Variants in NKAIN3 observed in about 807,000 individuals in gnomAD.
NKAIN3 encodes the protein sodium/potassium transporting ATPase interacting 3.
Under a neutral mutation model 30.2 loss-of-function variants are expected in NKAIN3, and 25 were observed. That is an observed-to-expected ratio of 0.83 (90% confidence interval 0.60 to 1.16). NKAIN3 has a LOEUF of 1.16. NKAIN3 is among the 50% of genes most tolerant of loss of function. The pLI is 0.00. For missense variants in NKAIN3, 225 were observed against 254.1 expected (o/e 0.89, Z 0.78); for synonymous variants, 91 against 89.6 (o/e 1.02, Z -0.09).
At chr8:62,433,477 A>C (rs1805078431) in intron 1 of NKAIN3, among the ~76,000 whole-genome samples, 1 of 152,202 alleles carries the variant, frequency 6.6e-6, no homozygotes, top group Non-Finnish European at 1.5e-5. Context: ...TTATTATGCC[A>C]GATATGGGAT....
chr8:62,456,345 C>T lies in NKAIN3; in HGVS notation c.55-123194C>T, dbSNP rs1188261423. ...GACCATCTGGCTAACATGGTGAAAC[C>T]CCATCTCTACTAAAAATACAAAAAT... On this transcript the variant is annotated intron_variant, in intron 1 of 6. Coordinates refer to ENST00000623646, the MANE Select transcript of NKAIN3 (RefSeq NM_001304533.3). Among the ~76,000 whole-genome samples, 3 of 152,010 alleles carry T rather than the reference C, an allele frequency of 2.0e-5. No individual in the cohort carries two copies. In the East Asian group the frequency reaches 5.8e-4, roughly 29 times the overall value.
intron 3 of NKAIN3, among the ~76,000 whole-genome samples, chr8:62,684,233 T>C (rs1813728536): frequency 6.6e-6 from 1 of 151,734 alleles, no homozygotes; most frequent in African/African-American, 2.4e-5. Flanking sequence ...AGTGTTTTCA[T>C]TCCCTACTCC....
At chr8:62,829,720 G>A (rs1442104479) in intron 4 of NKAIN3, among the ~76,000 whole-genome samples, 1 of 143,888 alleles carries the variant, frequency 6.9e-6, no homozygotes, top group East Asian at 2.0e-4. Context: ...TTATTTTGTT[G>A]TTTGTTAACT....
intron 1 of NKAIN3, among the ~76,000 whole-genome samples, chr8:62,429,410 T>C (rs1301435543): frequency 6.6e-6 from 1 of 151,968 alleles, no homozygotes; most frequent in Non-Finnish European, 1.5e-5. Context: ...TTATTACAGT[T>C]CTTATTTCTG....
chr8:62,351,198 A>C (rs991576090), intron 1 of NKAIN3, among the ~76,000 whole-genome samples: 2 of 149,896 alleles, frequency 1.3e-5, no homozygotes, highest in Admixed American at 6.6e-5. Flanking sequence ...TGATTCCAGG[A>C]TGTCTACAGA....
intron 1 of NKAIN3, among the ~76,000 whole-genome samples, chr8:62,528,309 A>AT (rs201777855): frequency 3.9e-4 from 47 of 120,442 alleles, no homozygotes; most frequent in Non-Finnish European, 6.8e-4. Flanking sequence ...ATTATATTAT[A>AT]TATATATATT....
intron 4 of NKAIN3, among the ~76,000 whole-genome samples, chr8:62,788,385 G>GT (rs1159562118): frequency 1.3e-5 from 2 of 152,070 alleles, no homozygotes; most frequent in Non-Finnish European, 2.9e-5. Context: ...TGATGGGGTT[G>GT]TTTTTTTCTT....
intron 6 of NKAIN3, among the ~76,000 whole-genome samples, chr8:62,962,962 G>T (rs1049253923): frequency 6.6e-5 from 10 of 152,084 alleles, no homozygotes; most frequent in Admixed American, 4.6e-4. Context: ...CATGACCTCA[G>T]CTCACTGCAA....
chr8:62,731,410 A>T, intron 3 of NKAIN3, among the ~76,000 whole-genome samples: 1 of 152,172 alleles, frequency 6.6e-6, no homozygotes, highest in East Asian at 1.9e-4. Context: ...TCTTTATTAA[A>T]TCATTGATGT....
chr8:62,502,431 T>C (rs1421011774), intron 1 of NKAIN3, among the ~76,000 whole-genome samples: 1 of 152,108 alleles, frequency 6.6e-6, no homozygotes, highest in Non-Finnish European at 1.5e-5. Flanking sequence ...GCGGCCCCTT[T>C]CCCAGCCCTC....
chr8:62,567,653 T>C (rs544790013), intron 1 of NKAIN3, among the ~76,000 whole-genome samples: 1 of 151,818 alleles, frequency 6.6e-6, no homozygotes, highest in Non-Finnish European at 1.5e-5. Context: ...GCTTTGAAGA[T>C]AGTGGAAGAG....
intron 4 of NKAIN3, among the ~76,000 whole-genome samples, chr8:62,804,085 G>A (rs912420461): frequency 5.3e-5 from 8 of 152,128 alleles, no homozygotes; most frequent in African/African-American, 1.9e-4. Flanking sequence ...TCTCTGAATA[G>A]ACCAATAACA....
At chr8:62,892,294 A>T (rs1821318540) in intron 4 of NKAIN3, among the ~76,000 whole-genome samples, 1 of 152,222 alleles carries the variant, frequency 6.6e-6, no homozygotes, top group African/African-American at 2.4e-5. Context: ...ATCCTAACAT[A>T]GGTTAACATT....
intron 2 of NKAIN3, among the ~76,000 whole-genome samples, chr8:62,585,860 C>A (rs139020968): frequency 6.6e-5 from 10 of 152,176 alleles, no homozygotes; most frequent in African/African-American, 2.2e-4. Flanking sequence ...TCAGTTATTT[C>A]CTATCTGTTT....
intron 1 of NKAIN3, among the ~76,000 whole-genome samples, chr8:62,289,162 A>T (rs1264423831): frequency 1.3e-5 from 2 of 152,112 alleles, no homozygotes; most frequent in African/African-American, 4.8e-5. Context: ...AGATGAGTAG[A>T]TGGCAAAAAT....
At chr8:62,991,684 G>T (rs1824323437) in intron 5 of NKAIN3, among the ~76,000 whole-genome samples, 1 of 152,198 alleles carries the variant, frequency 6.6e-6, no homozygotes, top group Admixed American at 6.5e-5. Context: ...ACATTAAAGA[G>T]CTCTAATGAA....
intron 4 of NKAIN3, among the ~76,000 whole-genome samples, chr8:62,843,376 A>C (rs1201714195): frequency 2.6e-5 from 4 of 151,484 alleles, no homozygotes; most frequent in Non-Finnish European, 4.4e-5. Flanking sequence ...TCATTCGGTC[A>C]CCTAGGCTAG....
At chr8:62,446,318 A>T (rs1805483445) in intron 1 of NKAIN3, among the ~76,000 whole-genome samples, 1 of 152,162 alleles carries the variant, frequency 6.6e-6, no homozygotes, top group Non-Finnish European at 1.5e-5. Flanking sequence ...TATGATATAT[A>T]GCATTAATAT....
chr8:62,897,123 G>T (rs1821451455), intron 4 of NKAIN3, among the ~76,000 whole-genome samples: 1 of 152,102 alleles, frequency 6.6e-6, no homozygotes, highest in African/African-American at 2.4e-5. Context: ...TGAGAGTAAA[G>T]ATAATGAAGG....
Sources: allele counts gnomAD v4.1 joint callset (sites outside exome capture counted in the v4.1 genomes callset), GRCh38; gene constraint gnomAD v4.1.1; transcripts MANE v1.5; gene names NCBI Gene and HGNC (gene_info 2026-07-23, HGNC 2026-07-21).